PTPRM: variants seen among roughly 807,000 people sequenced by gnomAD.
PTPRM encodes the protein protein tyrosine phosphatase receptor type M.
In PTPRM, 47 loss-of-function variants were observed where a neutral mutation model predicts 186.7. The ratio of observed to expected loss-of-function variants is 0.25; its 90% CI spans 0.20 to 0.32. The LOEUF is 0.32. Among genes scored for constraint, PTPRM ranks in the 10% least tolerant of loss-of-function variants. PTPRM has a pLI of 1.00. For missense variants in PTPRM, 1,494 were observed against 1,865.0 expected (o/e 0.80, Z 3.66); for synonymous variants, 668 against 674.9 (o/e 0.99, Z 0.16).
At chr18:8,359,292 G>A (rs996402518) in intron 23 of PTPRM, among the ~76,000 whole-genome samples, 4 of 152,228 alleles carry the variant, frequency 2.6e-5, no homozygotes, top group African/African-American at 7.2e-5. Flanking sequence ...CTCTGAGCAC[G>A]CTCTCCTGGC....
At position 7,568,437 on chromosome 18, in the gene PTPRM, C is replaced by A. The variant is rs1265278205; in HGVS notation, c.73+546C>A. Among the ~76,000 whole-genome samples the A allele has an allele frequency of 1.3e-5, 2 of 151,736 alleles. No individual in the cohort carries two copies. The highest frequency in any genetic ancestry group is 4.8e-5 in the African/African-American group (2 of 41,424). ...CCCTGTCGCCCCCTGCCCGGCGCGG[C>A]TGGCGACCCCGGGAGGTCCCCGCGG... On this transcript the variant is annotated intron_variant, in intron 1 of 32. Coordinates refer to ENST00000580170, the MANE Select transcript of PTPRM (RefSeq NM_001105244.2). This position sits in a 1 kb window ranked among gnomAD's most constrained non-coding sequence, Gnocchi z 5.1.
intron 21 of PTPRM, among the ~76,000 whole-genome samples, chr18:8,318,076 TGCA>T: frequency 6.6e-6 from 1 of 152,298 alleles, no homozygotes; most frequent in Non-Finnish European, 1.5e-5. Flanking sequence ...ATCTAACATG[TGCA>T]TTTAAGTTAT....
Position 7,712,454 on chromosome 18 carries a change from C to T in PTPRM, c.74-61695C>T, listed in dbSNP as rs963173937. 1.4e-4 allele frequency among the ~76,000 whole-genome samples: 21 copies of T among 152,036 alleles called. 1 individual carries two copies. Among genetic ancestry groups the T allele is most frequent in the African/African-American group, 4.8e-4 (20 of 41,422 alleles). On this transcript the variant is annotated intron_variant, in intron 1 of 32. Coordinates refer to ENST00000580170, the MANE Select transcript of PTPRM (RefSeq NM_001105244.2). ...TTGCAAAAACTGGAATGCCGAATGC[C>T]TCTTCTTATTCAAAGGATCACAACT...
chr18:8,185,335 C>A (rs569325225), intron 14 of PTPRM, among the ~76,000 whole-genome samples: 1 of 152,130 alleles, frequency 6.6e-6, no homozygotes, highest in African/African-American at 2.4e-5. Flanking sequence ...TTCACCAGGC[C>A]CCCCAGGAGC....
At chr18:7,946,230 T>C (rs2052515367) in intron 5 of PTPRM, among the ~76,000 whole-genome samples, 2 of 152,234 alleles carry the variant, frequency 1.3e-5, no homozygotes, top group African/African-American at 4.8e-5. Context: ...GGTCAGTAAG[T>C]GCAAACTTGA....
At chr18:7,576,511 C>T (rs190167933) in intron 1 of PTPRM, among the ~76,000 whole-genome samples, 126 of 152,218 alleles carry the variant, frequency 8.3e-4, no homozygotes, top group African/African-American at 2.9e-3. Flanking sequence ...CTCTGTCATC[C>T]AGGCTGGAGT....
intron 7 of PTPRM, among the ~76,000 whole-genome samples, chr18:7,995,153 T>G (rs2083467902): frequency 6.6e-6 from 1 of 151,898 alleles, no homozygotes. Context: ...AGAAATAGAA[T>G]CATTAGAGAC....
chr18:7,912,294 C>T (rs2050315503), intron 4 of PTPRM, among the ~76,000 whole-genome samples: 2 of 152,098 alleles, frequency 1.3e-5, no homozygotes, highest in Non-Finnish European at 2.9e-5. Flanking sequence ...TGTTCTTTCC[C>T]CATTAAATTG....
intron 1 of PTPRM, among the ~76,000 whole-genome samples, chr18:7,599,585 A>G (rs2037349163): frequency 6.6e-6 from 1 of 152,136 alleles, no homozygotes; most frequent in South Asian, 2.1e-4. Flanking sequence ...GCATGCTCCC[A>G]GTTGCCACAG....
chr18:7,673,974 C>T (rs2144509118), intron 1 of PTPRM, among the ~76,000 whole-genome samples: 1 of 152,238 alleles, frequency 6.6e-6, no homozygotes, highest in East Asian at 1.9e-4. Flanking sequence ...AGAGTACACG[C>T]AGCTCTTCTG....
chr18:8,216,198 T>C (rs2094083107), intron 14 of PTPRM, among the ~76,000 whole-genome samples: 1 of 152,206 alleles, frequency 6.6e-6, no homozygotes, highest in African/African-American at 2.4e-5. Context: ...CTCTCTCTCT[T>C]TTTTCTTTTT....
chr18:8,289,597 TATATACACAC>T (rs2095016965), intron 19 of PTPRM, among the ~76,000 whole-genome samples: 1 of 115,718 alleles, frequency 8.6e-6, no homozygotes, highest in Non-Finnish European at 1.8e-5. Context: ...TACACATATA[TATATACACAC>T]ATATATATAT....
intron 1 of PTPRM, among the ~76,000 whole-genome samples, chr18:7,598,367 T>C (rs1170779027): frequency 3.9e-5 from 6 of 152,224 alleles, no homozygotes; most frequent in Non-Finnish European, 8.8e-5. Flanking sequence ...CAAACTTTCA[T>C]AGGAATGAAA....
intron 2 of PTPRM, among the ~76,000 whole-genome samples, chr18:7,793,979 G>T (rs184618427): frequency 2.6e-5 from 4 of 152,298 alleles, no homozygotes; most frequent in African/African-American, 9.6e-5. Flanking sequence ...GCACGCCTTC[G>T]GCCTACGGAA....
chr18:7,714,235 ATG>A (rs2040274674), intron 1 of PTPRM, among the ~76,000 whole-genome samples: 2 of 152,330 alleles, frequency 1.3e-5, no homozygotes, highest in South Asian at 4.1e-4. Context: ...GCACAACTAC[ATG>A]GAAACTGAAC....
intron 7 of PTPRM, among the ~76,000 whole-genome samples, chr18:7,995,955 A>G (rs1055372759): frequency 1.3e-5 from 2 of 152,070 alleles, no homozygotes; most frequent in Admixed American, 6.6e-5. Flanking sequence ...GGTCTGTCAC[A>G]TGGCTCTCAA....
intron 2 of PTPRM, among the ~76,000 whole-genome samples, chr18:7,807,394 T>C (rs910991747): frequency 2.0e-5 from 3 of 152,234 alleles, no homozygotes; most frequent in Non-Finnish European, 4.4e-5. Context: ...GACACTTTAG[T>C]GGTTGCTTTA....
At chr18:7,723,268 T>A (rs1217838202) in intron 1 of PTPRM, among the ~76,000 whole-genome samples, 1 of 152,246 alleles carries the variant, frequency 6.6e-6, no homozygotes, top group Non-Finnish European at 1.5e-5. Flanking sequence ...TTCTTGAACA[T>A]CCTGTTTTCC....
intron 3 of PTPRM, among the ~76,000 whole-genome samples, chr18:7,904,671 C>T (rs1018899842): frequency 1.3e-5 from 2 of 152,166 alleles, no homozygotes; most frequent in African/African-American, 4.8e-5. Flanking sequence ...AGTTGAAGGA[C>T]ATCTGGGCTG....
Sources: allele counts gnomAD v4.1 joint callset (sites outside exome capture counted in the v4.1 genomes callset), GRCh38; gene constraint gnomAD v4.1.1; non-coding constraint Gnocchi (gnomAD v3.1); transcripts MANE v1.5; gene names NCBI Gene and HGNC (gene_info 2026-07-23, HGNC 2026-07-21).